Variants in PTPRG observed in about 807,000 individuals in gnomAD.
PTPRG encodes the protein receptor-type tyrosine-protein phosphatase gamma.
Under a neutral mutation model 165.3 loss-of-function variants are expected in PTPRG, and 102 were observed. The observed-to-expected ratio is 0.62, with a 90% CI of 0.53 to 0.73. PTPRG has a LOEUF of 0.73. Among genes scored for constraint, PTPRG ranks in the 30% least tolerant of loss-of-function variants. PTPRG has a pLI of 0.00. For missense variants in PTPRG, 1,866 were observed against 1,861.4 expected, an observed-to-expected ratio of 1.00 and a Z score of -0.05; for synonymous variants, 675 against 669.5, an observed-to-expected ratio of 1.01 and a Z score of -0.13.
intron 1 of PTPRG, among the ~76,000 whole-genome samples, chr3:61,588,181 T>C (rs1700480832): frequency 6.6e-6 from 1 of 152,124 alleles, no homozygotes; most frequent in South Asian, 2.1e-4. Flanking sequence ...TTATTTGCTT[T>C]TTATTACAGT....
intron 6 of PTPRG, among the ~76,000 whole-genome samples, chr3:62,135,947 C>T (rs1355587542): frequency 1.3e-5 from 2 of 152,162 alleles, no homozygotes; most frequent in Admixed American, 6.6e-5. Flanking sequence ...TTGGCTGGAG[C>T]GTCCCAGCAA....
chr3:61,699,013 A>C (rs1158367638), intron 1 of PTPRG, among the ~76,000 whole-genome samples: 4 of 151,876 alleles, frequency 2.6e-5, no homozygotes, highest in Middle Eastern at 6.4e-3. Context: ...CACACCAGGG[A>C]CTGCTGTGGG....
intron 3 of PTPRG, among the ~76,000 whole-genome samples, chr3:61,998,027 G>A (rs751202606): frequency 6.6e-6 from 1 of 152,104 alleles, no homozygotes; most frequent in African/African-American, 2.4e-5. Context: ...TAGTTTTCCT[G>A]TCATCCATTT....
chr3:62,092,129 C>T (rs1019476193), intron 5 of PTPRG, among the ~76,000 whole-genome samples: 2 of 105,824 alleles, frequency 1.9e-5, no homozygotes, highest in African/African-American at 7.2e-5. Flanking sequence ...CACACACACA[C>T]AATCTGTAAA....
chr3:62,066,572 C>T (rs984100299), intron 4 of PTPRG, among the ~76,000 whole-genome samples: 1 of 152,148 alleles, frequency 6.6e-6, no homozygotes, highest in Non-Finnish European at 1.5e-5. Context: ...TCCAGATGCA[C>T]CTAGGGGCCC....
intron 2 of PTPRG, among the ~76,000 whole-genome samples, chr3:61,959,403 T>G (rs1291157350): frequency 6.6e-6 from 1 of 152,122 alleles, no homozygotes; most frequent in Non-Finnish European, 1.5e-5. Context: ...GGGGATGGTT[T>G]TGGGATGAAA....
intron 1 of PTPRG, among the ~76,000 whole-genome samples, chr3:61,658,429 A>G (rs1228892986): frequency 1.3e-5 from 2 of 152,196 alleles, no homozygotes; most frequent in Non-Finnish European, 2.9e-5. Context: ...CTACAGGTTC[A>G]GGTACCAGCT....
intron 4 of PTPRG, among the ~76,000 whole-genome samples, chr3:62,051,677 A>C (rs1176323180): frequency 6.6e-6 from 1 of 152,168 alleles, no homozygotes; most frequent in East Asian, 1.9e-4. Context: ...GTGGAATATA[A>C]AATGTTGAAC....
chr3:61,866,999 A>C (rs1253683691), intron 2 of PTPRG, among the ~76,000 whole-genome samples: 1 of 152,122 alleles, frequency 6.6e-6, no homozygotes, highest in East Asian at 1.9e-4. Flanking sequence ...AGGAGTTTCA[A>C]GGCTTCTTGT....
intron 1 of PTPRG, among the ~76,000 whole-genome samples, chr3:61,654,878 T>C (rs1301089073): frequency 6.7e-6 from 1 of 148,382 alleles, no homozygotes; most frequent in East Asian, 2.0e-4. Context: ...GCCTCCCGGG[T>C]TCAAGAGATT....
At chr3:61,792,878 G>C (rs2034930385) in intron 2 of PTPRG, among the ~76,000 whole-genome samples, 2 of 151,996 alleles carry the variant, frequency 1.3e-5, no homozygotes, top group South Asian at 4.1e-4. Flanking sequence ...ACAGGCACGT[G>C]CCACCACGCC....
intron 2 of PTPRG, among the ~76,000 whole-genome samples, chr3:61,811,622 A>G (rs142861605): frequency 1.6e-4 from 24 of 152,350 alleles, no homozygotes; most frequent in Admixed American, 2.6e-4. Context: ...CCTGAGTTCT[A>G]TATTGGAAAA....
intron 2 of PTPRG, among the ~76,000 whole-genome samples, chr3:61,959,268 AAGG>A (rs1183870241): frequency 1.3e-5 from 2 of 152,144 alleles, no homozygotes; most frequent in Admixed American, 6.5e-5. Flanking sequence ...GCCCTGAAGA[AAGG>A]AGGACATCTA....
At chr3:61,683,180 G>T (rs1388087274) in intron 1 of PTPRG, among the ~76,000 whole-genome samples, 1 of 152,172 alleles carries the variant, frequency 6.6e-6, no homozygotes, top group Non-Finnish European at 1.5e-5. Context: ...GCTCTTTTCA[G>T]TCAGCATTGC....
intron 5 of PTPRG, among the ~76,000 whole-genome samples, chr3:62,110,593 A>G (rs151100513): frequency 9.9e-5 from 15 of 152,082 alleles, no homozygotes; most frequent in Non-Finnish European, 1.5e-4. Context: ...TCAGAGAGAC[A>G]GGACTTGTGT....
intron 2 of PTPRG, among the ~76,000 whole-genome samples, chr3:61,844,834 A>G (rs2036761390): frequency 6.6e-6 from 1 of 152,058 alleles, no homozygotes; most frequent in Non-Finnish European, 1.5e-5. Context: ...AAATCTGGCA[A>G]CCCTAGTTTC....
At chr3:61,706,011 G>T (rs2031231137) in intron 1 of PTPRG, among the ~76,000 whole-genome samples, 1 of 152,132 alleles carries the variant, frequency 6.6e-6, no homozygotes, top group Non-Finnish European at 1.5e-5. Flanking sequence ...CAGTTATGTT[G>T]TATAAAGAGC....
rs143987411 is a variant in PTPRG at position 61,688,637 on chromosome 3, A to G, written c.86-60241A>G. Among the ~76,000 whole-genome samples, 436 of 152,366 alleles carry G rather than the reference A, an allele frequency of 2.9e-3. 4 individuals are homozygous for G. Among genetic ancestry groups the G allele is most frequent in the African/African-American group, 9.9e-3 (410 of 41,580 alleles). On this transcript the variant is annotated intron_variant, in intron 1 of 29. Coordinates refer to ENST00000474889, the MANE Select transcript of PTPRG (RefSeq NM_002841.4). ...CAAGTCAGAGTGAAAGAAAGGAGCC[A>G]GTATCCCCACCACCCGCTAGTGTTT...
chr3:61,652,443 C>T (rs1211212031), intron 1 of PTPRG, among the ~76,000 whole-genome samples: 1 of 150,970 alleles, frequency 6.6e-6, no homozygotes, highest in African/African-American at 2.5e-5. Context: ...TTAGAATTTC[C>T]TCTACGGTGC....
Sources: gnomAD v4.1 joint callset for allele counts (sites outside exome capture counted in the v4.1 genomes callset) on GRCh38, gnomAD v4.1.1 for gene constraint, MANE v1.5 for transcripts, NCBI Gene and HGNC (gene_info 2026-07-23, HGNC 2026-07-21) for gene names.